The following AP3D1 variants were observed in gnomAD, a reference collection of about 807,000 sequenced individuals.
The protein encoded by AP3D1 is adaptor related protein complex 3 subunit delta 1.
Under a neutral mutation model 147.6 loss-of-function variants are expected in AP3D1, and 51 were observed. The ratio of observed to expected loss-of-function variants is 0.35; its 90% CI spans 0.28 to 0.44. The LOEUF (loss-of-function observed/expected upper bound fraction) is 0.44. Among genes scored for constraint, AP3D1 ranks in the 20% least tolerant of loss-of-function variants. The pLI is 1.00. For missense variants in AP3D1, 1,421 were observed against 1,624.2 expected (o/e 0.87, Z 2.15); for synonymous variants, 760 against 663.0 (o/e 1.15, Z -2.25).
chr19:2,136,971 T>G, intron 4 of AP3D1, 40 bp downstream of exon 4: 3 of 1,535,262 alleles, frequency 2.0e-6, no homozygotes, highest in Non-Finnish European at 2.7e-6. Context: ...AAGGGCAGAC[T>G]GCACTCAGCA....
chr19:2,121,440 C>A (rs2018608806), intron 12 of AP3D1, 129 bp from the exon 13 acceptor site: 1 of 1,270,014 alleles, frequency 7.9e-7, no homozygotes, highest in South Asian at 1.4e-5. Context: ...AGATCGATGC[C>A]AGGGAGGCAG....
chr19:2,121,986 G>T, intron 11 of AP3D1, 107 bp from the exon 12 acceptor site: 1 of 1,340,718 alleles, frequency 7.5e-7, no homozygotes, highest in Admixed American at 2.6e-5. Flanking sequence ...AGGCTGCCTG[G>T]CCTTGGCAAC....
At chr19:2,103,187 T>C (rs8106338) in intron 31 of AP3D1, among the ~76,000 whole-genome samples, 2,879 of 151,950 alleles carry the variant, frequency 0.019, 53 homozygotes, top group Non-Finnish European at 0.027. Flanking sequence ...GCTGTATGTG[T>C]TGTCCTTTTA....
At chr19:2,121,133 C>A in intron 13 of AP3D1, 30 bp downstream of exon 13, 1 of 1,613,726 alleles carries the variant, frequency 6.2e-7, no homozygotes, top group Admixed American at 1.7e-5. Flanking sequence ...CCACGGAACC[C>A]CCGGCCACAC....
At chr19:2,154,298 T>C (rs2019628009), upstream of AP3D1, among the ~76,000 whole-genome samples, 1 of 150,656 alleles carries the variant, frequency 6.6e-6, no homozygotes, top group Non-Finnish European at 1.5e-5. Context: ...TTTTTTTTTT[T>C]TGAGACAGTC....
intron 1 of AP3D1, among the ~76,000 whole-genome samples, chr19:2,139,357 C>T (rs980209985): frequency 1.6e-4 from 24 of 152,168 alleles, no homozygotes; most frequent in Non-Finnish European, 3.5e-4. Flanking sequence ...GGGTGACTCT[C>T]ACTGCTGTGA....
At chr19:2,137,148 C>T in intron 3 of AP3D1, 57 bp from the exon 4 acceptor site, 1 of 1,449,992 alleles carries the variant, frequency 6.9e-7, no homozygotes, top group Non-Finnish European at 9.5e-7. Context: ...TCCAGGAGCT[C>T]CAGCTCTGCT....
intron 1 of AP3D1, among the ~76,000 whole-genome samples, chr19:2,158,716 G>A (rs1206804952): frequency 1.3e-5 from 2 of 151,150 alleles, no homozygotes; most frequent in East Asian, 3.9e-4. Context: ...CGATTCTCTT[G>A]CCTCAGCTTC....
In AP3D1 at chr19:2,150,613, G is replaced by C. The variant is rs570002866; in HGVS notation, c.96+626C>G. Among the ~76,000 whole-genome samples the C allele has an allele frequency of 1.4e-3, 206 of 152,282 alleles. 1 individual carries two copies. Among genetic ancestry groups the C allele is most frequent in the South Asian group, 2.3e-3 (11 of 4,820 alleles). ...CAGCAGCCCCACCTTCCTGGGAACGGGGGCACTGGAGGCAACGCCCCAAGA... is the reference window on the plus strand; with the variant it reads ...CAGCAGCCCCACCTTCCTGGGAACGCGGGCACTGGAGGCAACGCCCCAAGA... On this transcript the variant is annotated intron_variant, in intron 1 of 31. Transcript: ENST00000643116.
rs188359070 is a variant in AP3D1, at chr19:2,136,746, G to T, written c.354+265C>A. 3.3e-4 allele frequency among the ~76,000 whole-genome samples: 51 copies of T among 152,266 alleles called. No individual in the cohort carries two copies. The South Asian group carries it at 3.5e-3, about 11-fold the overall frequency. On this transcript the variant is annotated intron_variant, in intron 4 of 31. Coordinates refer to ENST00000643116, the MANE Select transcript of AP3D1 (RefSeq NM_001261826.3). Reference sequence around the variant, plus strand: ...AGTGGACCCTGGAGCCCCATTCGCCGGCCCCTCCAGGTGGTGAGCGAGGGA... The same window carrying T: ...AGTGGACCCTGGAGCCCCATTCGCCTGCCCCTCCAGGTGGTGAGCGAGGGA...
chr19:2,104,545 C>T (rs573095990), intron 31 of AP3D1, among the ~76,000 whole-genome samples: 10 of 151,882 alleles, frequency 6.6e-5, no homozygotes, highest in Non-Finnish European at 1.0e-4. Flanking sequence ...CAGACCCCAA[C>T]GCCAAGACAC....
At chr19:2,126,140 C>G (rs1030238820) in intron 9 of AP3D1, among the ~76,000 whole-genome samples, 4 of 149,332 alleles carry the variant, frequency 2.7e-5, no homozygotes, top group African/African-American at 5.2e-5. Context: ...CAGCCTGGAA[C>G]TCCCGGGCTC....
At chr19:2,121,135 C>T (rs778216799) in intron 13 of AP3D1, 28 bp downstream of exon 13, 25 of 1,613,636 alleles carry the variant, frequency 1.5e-5, no homozygotes, top group East Asian at 6.7e-5. Context: ...ACGGAACCCC[C>T]GGCCACACCC....
intron 9 of AP3D1, among the ~76,000 whole-genome samples, 162 bp downstream of exon 9, chr19:2,126,990 G>C (rs2018775340): frequency 6.6e-6 from 1 of 152,190 alleles, no homozygotes; most frequent in African/African-American, 2.4e-5. Flanking sequence ...AGAGGCCTGG[G>C]ACGGACTCCC....
chr19:2,109,360 C>T, intron 29 of AP3D1, 153 bp from the exon 30 acceptor site: 2 of 1,027,240 alleles, frequency 1.9e-6, no homozygotes, highest in Non-Finnish European at 1.4e-6. Context: ...AGGTGTGGCT[C>T]ATTTTCATGT....
intron 25 of AP3D1, 169 bp from the exon 26 acceptor site, chr19:2,111,501 C>T (rs1209950130): frequency 8.3e-7 from 1 of 1,205,578 alleles, no homozygotes; most frequent in Non-Finnish European, 1.2e-6. Context: ...CCACACAGCC[C>T]ACCACGGGGG....
At position 2,112,860 on chromosome 19, in the gene AP3D1, C is replaced by T; in HGVS notation, c.2787G>A (p.Lys929=). The T allele has an allele frequency of 6.2e-7, 1 of 1,609,388 alleles. No homozygotes were observed. Among genetic ancestry groups the T allele is most frequent in the Non-Finnish European group, 8.5e-7 (1 of 1,177,660 alleles). Residue 929 remains lysine, a splice_region_variant and synonymous_variant, in exon 24 of 32, where the codon AAG becomes AAA. Coordinates refer to ENST00000643116, the MANE Select transcript of AP3D1 (RefSeq NM_001261826.3). ...EDDAEGQDQD[K]KSPKPKKKKH... is the part of the protein sequence containing the mutation. The stretch of plus-strand genomic sequence containing the variant: ...GCCCCTGGGGGAGTGACAGCCTCAC[C>T]TTGTCCTGGTCTTGCCCCTCGGCAT...
At chr19:2,126,652 C>CAAAA (rs58063456) in intron 9 of AP3D1, among the ~76,000 whole-genome samples, 3 of 59,520 alleles carry the variant, frequency 5.0e-5, no homozygotes, top group African/African-American at 5.8e-5. Context: ...GACTCTGCCT[C>CAAAA]AAAAAAAAAA....
chr19:2,157,687 CCCCATCCA>C (rs1195926603), intron 1 of AP3D1, among the ~76,000 whole-genome samples: 4 of 139,478 alleles, frequency 2.9e-5, no homozygotes, highest in Non-Finnish European at 6.2e-5. Context: ...ACCCATCCAT[CCCCATCCA>C]CCCATCCACC....
Sources: allele counts gnomAD v4.1 joint callset (sites outside exome capture counted in the v4.1 genomes callset), GRCh38; gene constraint gnomAD v4.1.1; transcripts MANE v1.5; gene names NCBI Gene and HGNC (gene_info 2026-07-23, HGNC 2026-07-21).